Variants in ZFHX3 observed in about 807,000 individuals in gnomAD.
ZFHX3 encodes the protein zinc finger homeobox protein 3.
A neutral mutation model predicts 279.1 loss-of-function variants in ZFHX3; 42 were observed. The ratio of observed to expected loss-of-function variants is 0.15; its 90% CI spans 0.12 to 0.19. The LOEUF (loss-of-function observed/expected upper bound fraction) is 0.19. ZFHX3 is among the 10% of genes least tolerant of loss of function. The probability of loss-of-function intolerance (pLI) is 1.00; values close to 1 mark genes in which losing one functional copy is unlikely to be tolerated. For synonymous variants in ZFHX3, 2,293 were observed against 1,957.8 expected, an observed-to-expected ratio of 1.17 and a Z score of -4.52; for missense variants, 4,981 against 4,754.0, an observed-to-expected ratio of 1.05 and a Z score of -1.40.
chr16:73,515,831 A>G (rs1009313915), intron 2 of ZFHX3, among the ~76,000 whole-genome samples: 32 of 152,180 alleles, frequency 2.1e-4, no homozygotes, highest in Admixed American at 2.0e-3. Flanking sequence ...CAGCTGTTTA[A>G]ATGCAATGAT....
At chr16:73,470,144 G>A (rs2018640779) in intron 2 of ZFHX3, among the ~76,000 whole-genome samples, 1 of 152,142 alleles carries the variant, frequency 6.6e-6, no homozygotes, top group Non-Finnish European at 1.5e-5. Context: ...ACTTCCCAGG[G>A]GATGACAATA....
intron 3 of ZFHX3, among the ~76,000 whole-genome samples, chr16:73,381,518 C>G (rs753199516): frequency 1.5e-4 from 23 of 152,122 alleles, no homozygotes; most frequent in Non-Finnish European, 2.8e-4. Context: ...ATTGGAATTT[C>G]ATCTATTACA....
intron 2 of ZFHX3, chr16:73,487,037 T>C: frequency 3.0e-6 from 1 of 338,498 alleles, no homozygotes; most frequent in Non-Finnish European, 5.9e-6. Flanking sequence ...ATAACAGAAC[T>C]AAAACGATGG....
At chr16:73,733,195 T>C (rs1018359195) in intron 1 of ZFHX3, among the ~76,000 whole-genome samples, 4 of 152,194 alleles carry the variant, frequency 2.6e-5, no homozygotes, top group Admixed American at 6.5e-5. Flanking sequence ...CTATCCACCA[T>C]GGAGAAATCG....
At chr16:73,143,910 G>T in intron 5 of ZFHX3, 1 of 493,914 alleles carries the variant, frequency 2.0e-6, no homozygotes, top group Non-Finnish European at 3.5e-6. Flanking sequence ...GCTAATGAAT[G>T]ATTCTCCCAT....
At chr16:73,634,651 T>C (rs1447284996) in intron 2 of ZFHX3, among the ~76,000 whole-genome samples, 1 of 151,958 alleles carries the variant, frequency 6.6e-6, no homozygotes, top group Non-Finnish European at 1.5e-5. Flanking sequence ...TTCTTCATAG[T>C]GTCTCTTGAG....
At chr16:73,819,594 C>A (rs976586306) in intron 1 of ZFHX3, among the ~76,000 whole-genome samples, 1 of 151,880 alleles carries the variant, frequency 6.6e-6, no homozygotes, top group Non-Finnish European at 1.5e-5. Flanking sequence ...TTGATCTTAA[C>A]CACTATGAAG....
At chr16:73,541,741 C>A (rs1050583180) in intron 2 of ZFHX3, among the ~76,000 whole-genome samples, 2 of 146,316 alleles carry the variant, frequency 1.4e-5, no homozygotes, top group African/African-American at 5.0e-5. Flanking sequence ...CTCCTTCTGT[C>A]TTCCCTCCCA....
At position 72,812,000 on chromosome 16, in the gene ZFHX3, G is replaced by A. The variant is rs2036467641; in HGVS notation, c.3568C>T (p.Pro1190Ser). 1.2e-6 allele frequency: 2 copies of A among 1,614,164 alleles called. No homozygotes were observed. Residue 1190 changes from proline to serine, a missense_variant, in exon 6 of 10, where the codon CCT (proline) becomes TCT (serine). Around this residue, in one of 7 missense-constraint regions of ZFHX3, gnomAD observed 1,751 missense variants for 1,770.0 expected, o/e 0.99. Transcript: ENST00000268489. ...AAGGAGATGCGTTTGGAGGTTGCAG[G>A]AGAATCTGTCAGCTCCTTCTCTGCT... Reference protein sequence around the residue: ...SQAEKELTDSPATSKRISFPG... With the variant: ...SQAEKELTDSSATSKRISFPG...
At chr16:73,780,734 G>T (rs566243867) in intron 1 of ZFHX3, among the ~76,000 whole-genome samples, 1 of 152,332 alleles carries the variant, frequency 6.6e-6, no homozygotes, top group African/African-American at 2.4e-5. Context: ...GAGCCACTGT[G>T]CCTGGCCTCA....
At chr16:73,037,533 G>T (rs1964954813) in intron 1 of ZFHX3, among the ~76,000 whole-genome samples, 1 of 152,156 alleles carries the variant, frequency 6.6e-6, no homozygotes, top group African/African-American at 2.4e-5. Context: ...CCTCAGAGAT[G>T]AAAGAAACCT....
At chr16:73,283,757 A>C (rs1356143630) in intron 4 of ZFHX3, among the ~76,000 whole-genome samples, 2 of 152,232 alleles carry the variant, frequency 1.3e-5, no homozygotes, top group African/African-American at 4.8e-5. Context: ...CAGCCTGGGC[A>C]ACATAGTGAG....
chr16:73,686,672 G>A (rs1158323323), intron 1 of ZFHX3, among the ~76,000 whole-genome samples: 1 of 151,980 alleles, frequency 6.6e-6, no homozygotes, highest in Non-Finnish European at 1.5e-5. Flanking sequence ...GGTAAGGGTG[G>A]GCTCCAGGGT....
At chr16:73,400,272 C>T (rs913512845) in intron 3 of ZFHX3, 1 of 152,196 alleles carries the variant, frequency 6.6e-6, no homozygotes, top group African/African-American at 2.4e-5. Context: ...GGTGGCAGGT[C>T]TGAGCAAAAT....
intron 2 of ZFHX3, among the ~76,000 whole-genome samples, chr16:73,671,461 G>A (rs1295651151): frequency 6.6e-6 from 1 of 152,146 alleles, no homozygotes; most frequent in Non-Finnish European, 1.5e-5. Context: ...ACAAATACAT[G>A]GTTGGTACCA....
chr16:72,888,903 G>T (rs1414159829), intron 4 of ZFHX3, among the ~76,000 whole-genome samples: 1 of 152,166 alleles, frequency 6.6e-6, no homozygotes, highest in Non-Finnish European at 1.5e-5. Flanking sequence ...GGCCTAGGAT[G>T]AAAGGAGAGC....
chr16:73,818,534 G>T (rs912720826), intron 1 of ZFHX3, among the ~76,000 whole-genome samples: 2 of 152,196 alleles, frequency 1.3e-5, no homozygotes, highest in African/African-American at 4.8e-5. Flanking sequence ...AGGGTCAGCA[G>T]GGGTTTCAGA....
At chr16:72,940,251 G>A (rs536491707) in intron 3 of ZFHX3, among the ~76,000 whole-genome samples, 1 of 152,226 alleles carries the variant, frequency 6.6e-6, no homozygotes, top group Non-Finnish European at 1.5e-5. Flanking sequence ...GCCTGAGTCT[G>A]TACAAAATCC....
At chr16:73,408,117 T>A (rs1193485765) in intron 3 of ZFHX3, among the ~76,000 whole-genome samples, 1 of 151,340 alleles carries the variant, frequency 6.6e-6, no homozygotes, top group African/African-American at 2.4e-5. Context: ...TTGTTTTTTT[T>A]TTTTTGCTTG....
Sources: gnomAD v4.1 joint callset for allele counts (sites outside exome capture counted in the v4.1 genomes callset) on GRCh38, gnomAD v4.1.1 for gene constraint, gnomAD v4.1.1 regional missense constraint, MANE v1.5 for transcripts, NCBI Gene and HGNC (gene_info 2026-07-23, HGNC 2026-07-21) for gene names.